Variants in SLC22A16 observed in about 807,000 individuals in gnomAD.
SLC22A16 encodes WUGSC:RG331P03.1.
A neutral mutation model predicts 52.9 loss-of-function variants in SLC22A16; 53 were observed. The ratio of observed to expected loss-of-function variants is 1.00; its 90% CI spans 0.80 to 1.26. The LOEUF is 1.26. Among genes scored for constraint, SLC22A16 ranks in the 50% most tolerant of loss-of-function variants. SLC22A16 has a pLI of 0.00. For missense variants in SLC22A16, 726 were observed against 704.0 expected (o/e 1.03, Z -0.35); for synonymous variants, 291 against 268.8 (o/e 1.08, Z -0.81).
At chr6:110,438,939 C>A in intron 4 of SLC22A16, 92 bp from the exon 5 acceptor site, 1 of 1,492,472 alleles carries the variant, frequency 6.7e-7, no homozygotes, top group South Asian at 1.3e-5. Flanking sequence ...AAGGCATGAG[C>A]AGCCCTCTCC....
intron 6 of SLC22A16, among the ~76,000 whole-genome samples, chr6:110,434,515 C>T (rs1274068673): frequency 6.6e-6 from 1 of 152,018 alleles, no homozygotes; most frequent in African/African-American, 2.4e-5. Flanking sequence ...GTCCTCTTCA[C>T]CACATAAAGA....
chr6:110,469,042 C>A (rs2114283634), intron 1 of SLC22A16, among the ~76,000 whole-genome samples: 1 of 152,296 alleles, frequency 6.6e-6, no homozygotes. Context: ...ATCTTCCAGG[C>A]AATAAGAATG....
chr6:110,436,100 G>T, intron 5 of SLC22A16, 139 bp from the exon 6 acceptor site: 1 of 612,660 alleles, frequency 1.6e-6, no homozygotes, highest in Non-Finnish European at 2.9e-6. Context: ...TTTTCTGTTT[G>T]AATGTATTAA....
At chr6:110,440,272 T>C (rs1379004592) in intron 4 of SLC22A16, 1 of 152,436 alleles carries the variant, frequency 6.6e-6, no homozygotes, top group Non-Finnish European at 1.5e-5. Flanking sequence ...CCCGAGTAGC[T>C]GGGACTACAG....
chr6:110,473,593 C>T lies in SLC22A16; in HGVS notation c.53+2929G>A, dbSNP rs192420699. ...GGGCTGGAGTGCAGTGGCGCAATCT[C>T]GGCTCACTGCAAGCTCTGCCTCCTG... On this transcript the variant is annotated intron_variant, in intron 1 of 7. Transcript: ENST00000368919. 5.2e-3 allele frequency among the ~76,000 whole-genome samples: 680 copies of T among 131,184 alleles called. 2 individuals carry two copies. Among genetic ancestry groups the T allele is most frequent in the Middle Eastern group, 0.023 (5 of 222 alleles). The allele number at this position is 131,184 out of a possible 152,430, so 86.1% of individuals were successfully genotyped here.
intron 5 of SLC22A16, among the ~76,000 whole-genome samples, chr6:110,438,180 A>G (rs1774810061): frequency 6.6e-6 from 1 of 152,204 alleles, no homozygotes. Context: ...AAGATGGTGG[A>G]TAAATGTTTG....
chr6:110,447,733 C>T (rs1775230642), intron 2 of SLC22A16, among the ~76,000 whole-genome samples: 1 of 152,190 alleles, frequency 6.6e-6, no homozygotes. Context: ...CTGTTCTGGA[C>T]ATTTCCCATA....
intron 1 of SLC22A16, among the ~76,000 whole-genome samples, chr6:110,458,351 C>T (rs766701722): frequency 1.3e-5 from 2 of 152,164 alleles, no homozygotes; most frequent in African/African-American, 4.8e-5. Flanking sequence ...GTAGGGGTCC[C>T]CCAGGCCCAG....
intron 6 of SLC22A16, among the ~76,000 whole-genome samples, chr6:110,434,152 A>G (rs935729153): frequency 6.6e-6 from 1 of 152,144 alleles, no homozygotes; most frequent in Non-Finnish European, 1.5e-5. Flanking sequence ...AGGCAGGAGA[A>G]TCACCTGAAC....
intron 7 of SLC22A16, among the ~76,000 whole-genome samples, chr6:110,426,165 G>A (rs923854354): frequency 5.3e-5 from 8 of 152,152 alleles, no homozygotes; most frequent in East Asian, 1.9e-4. Flanking sequence ...AGACGCAGTA[G>A]CAGAATTTCA....
intron 7 of SLC22A16, among the ~76,000 whole-genome samples, chr6:110,429,403 C>T (rs1463965257): frequency 6.6e-6 from 1 of 152,216 alleles, no homozygotes; most frequent in Non-Finnish European, 1.5e-5. Flanking sequence ...TGTGTACCTG[C>T]TGTGTGTACA....
intron 7 of SLC22A16, among the ~76,000 whole-genome samples, chr6:110,427,891 T>G (rs1032907959): frequency 1.3e-4 from 20 of 152,244 alleles, no homozygotes; most frequent in African/African-American, 4.6e-4. Flanking sequence ...TCTTCGGGAC[T>G]GGTGGTGATT....
chr6:110,431,239 A>G lies in SLC22A16; in HGVS notation c.1453T>C (p.Cys485Arg). The G allele has an allele frequency of 6.2e-7, 1 of 1,613,320 alleles. No individual in the cohort carries two copies. Among genetic ancestry groups the G allele is most frequent in the South Asian group, 1.1e-5 (1 of 91,072 alleles). The change falls in exon 7 of 8, where the codon TGT becomes CGT. Residue 485 changes from cysteine (C) to arginine (R), a missense_variant. Coordinates refer to ENST00000368919, the MANE Select transcript of SLC22A16 (RefSeq NM_033125.4). ...SLAVGSGSMV[C>R]RLASILAPFS... The stretch of plus-strand genomic sequence containing the variant: ...GGCGCCAGGATGCTGGCCAGGCGAC[A>G]CACCATGCTGCCGCTTCCCACAGCC...
intron 7 of SLC22A16, among the ~76,000 whole-genome samples, chr6:110,425,857 T>C (rs537541184): frequency 6.6e-6 from 1 of 152,378 alleles, no homozygotes; most frequent in South Asian, 2.1e-4. Context: ...TAAATCTCTA[T>C]ACAATCCGTA....
At position 110,476,507 on chromosome 6, in the gene SLC22A16, G is replaced by GCCCCCCCCCCCCCCCCACC. The variant is rs1554229887; in HGVS notation, c.53+14_53+15insGGTGGGGGGGGGGGGGGGG. Reference sequence around the variant, plus strand: ...GCCGCCTCCCGCGTGGCGCCGCGGGGCCCCTCCCCCATACCTGCCGAAGTG... The same window carrying GCCCCCCCCCCCCCCCCACC: ...GCCGCCTCCCGCGTGGCGCCGCGGGGCCCCCCCCCCCCCCCCACCCCCCTCCCCCATACCTGCCGAAGTG... On this transcript the variant is annotated intron_variant, in intron 1 of 7. Coordinates refer to ENST00000368919, the MANE Select transcript of SLC22A16 (RefSeq NM_033125.4). The GCCCCCCCCCCCCCCCCACC allele has an allele frequency of 2.6e-5, 28 of 1,072,982 alleles. No homozygotes were observed. The African/African-American group carries it at 7.1e-4, about 27-fold the overall frequency. The allele number at this position is 1,072,982 out of a possible 1,614,324, so 66.5% of individuals were successfully genotyped here.
At chr6:110,460,250 G>A (rs1775819000) in intron 1 of SLC22A16, among the ~76,000 whole-genome samples, 1 of 152,096 alleles carries the variant, frequency 6.6e-6, no homozygotes, top group South Asian at 2.1e-4. Flanking sequence ...TTGGTCTCAA[G>A]AGCCTCTATA....
intron 1 of SLC22A16, 194 bp downstream of exon 1, chr6:110,476,328 C>T: frequency 7.3e-7 from 1 of 1,377,542 alleles, no homozygotes; most frequent in Non-Finnish European, 9.4e-7. Context: ...TGCCAGGTCC[C>T]GCTGCCAGAG....
Position 110,476,283 on chromosome 6 carries a change from C to T in SLC22A16, c.53+239G>A, listed in dbSNP as rs149738562. On this transcript the variant is annotated intron_variant, in intron 1 of 7. Transcript: ENST00000368919. ...CAGGTCCCTCCTGCCCGGCAACAGG[C>T]GCACTCCGAGCGAGCCCAGCGCCTC... The T allele has an allele frequency of 1.3e-3, 1,667 of 1,280,620 alleles. 55 individuals carry two copies. In the East Asian group the frequency reaches 0.039, roughly 30 times the overall value. The allele number at this position is 1,280,620 out of a possible 1,614,324, so 79.3% of individuals were successfully genotyped here.
At chr6:110,473,898 A>C (rs1199293924) in intron 1 of SLC22A16, among the ~76,000 whole-genome samples, 1 of 151,954 alleles carries the variant, frequency 6.6e-6, no homozygotes, top group Non-Finnish European at 1.5e-5. Flanking sequence ...ATGAGAGGTA[A>C]TCAGGGTTCT....
Sources: allele counts gnomAD v4.1 joint callset (sites outside exome capture counted in the v4.1 genomes callset), GRCh38; gene constraint gnomAD v4.1.1; transcripts MANE v1.5; gene names NCBI Gene and HGNC (gene_info 2026-07-23, HGNC 2026-07-21).